The following ABCA13 variants were observed in gnomAD, a reference collection of about 807,000 sequenced individuals.
The protein encoded by ABCA13 is ATP binding cassette subfamily A member 13.
ABCA13 carries 476 observed loss-of-function variants against 478.7 expected under a neutral mutation model. The observed-to-expected ratio is 0.99, with a 90% CI of 0.92 to 1.07. ABCA13 has a LOEUF of 1.07. ABCA13 is among the 50% of genes least tolerant of loss of function. The pLI is 0.00. For synonymous variants in ABCA13, 2,252 were observed against 2,158.9 expected, an observed-to-expected ratio of 1.04 and a Z score of -1.20; for missense variants, 6,060 against 5,910.6, an observed-to-expected ratio of 1.03 and a Z score of -0.83.
At position 48,187,347 on chromosome 7, in the gene ABCA13, G is replaced by A. The variant is rs912960258; in HGVS notation, c.70-5612G>A. ...AAGTTCAGTAGCTTGAAGTTTAATG[G>A]CCGTAGTTTAACTACAGCTTATTTT... On this transcript the variant is annotated intron_variant, in intron 1 of 61. Coordinates refer to ENST00000435803, the MANE Select transcript of ABCA13 (RefSeq NM_152701.5). Among the ~76,000 whole-genome samples the A allele has an allele frequency of 4.7e-5, 7 of 150,438 alleles. No homozygotes were observed. The South Asian group carries it at 1.3e-3, about 27-fold the overall frequency.
chr7:48,253,618 T>C (rs1178848298), intron 15 of ABCA13, among the ~76,000 whole-genome samples: 1 of 152,186 alleles, frequency 6.6e-6, no homozygotes, highest in African/African-American at 2.4e-5. Context: ...CCCAAGTAGC[T>C]GGGACTACAG....
Position 48,638,735 on chromosome 7 carries a change from GAAAAAA to G in ABCA13, c.14838-4552_14838-4547del, listed in dbSNP as rs1794884746. Among the ~76,000 whole-genome samples, 3 of 152,242 alleles carry G rather than the reference GAAAAAA, an allele frequency of 2.0e-5. No individual in the cohort carries two copies. In the South Asian group the frequency reaches 6.2e-4, roughly 32 times the overall value. ...GCTAGTTAATAAGCTGAGTGACAAA[GAAAAAA>G]TCTCCTGATCTCTTTGGGCCTCAAA... On this transcript the variant is annotated intron_variant, in intron 59 of 61. Coordinates refer to ENST00000435803, the MANE Select transcript of ABCA13 (RefSeq NM_152701.5).
Position 48,239,416 on chromosome 7 carries a change from C to T in ABCA13, c.1062+11C>T. On this transcript the variant is annotated intron_variant, in intron 9 of 61. Coordinates refer to ENST00000435803, the MANE Select transcript of ABCA13 (RefSeq NM_152701.5). The stretch of plus-strand genomic sequence containing the variant: ...CGAGTCTACCAACAGGTGCTGTCCC[C>T]TCTCTCTATGTTCTGTTCAAAGGTG... 5.0e-6 allele frequency: 8 copies of T among 1,607,670 alleles called. No individual in the cohort carries two copies. The highest frequency in any genetic ancestry group is 6.8e-6 in the Non-Finnish European group (8 of 1,176,774).
At chr7:48,364,262 T>C (rs1271771668) in intron 31 of ABCA13, among the ~76,000 whole-genome samples, 1 of 152,184 alleles carries the variant, frequency 6.6e-6, no homozygotes, top group East Asian at 1.9e-4. Context: ...CTTCTCACGC[T>C]AGTCAATGTA....
At chr7:48,270,944 G>A (rs1795514994) in intron 16 of ABCA13, among the ~76,000 whole-genome samples, 1 of 152,158 alleles carries the variant, frequency 6.6e-6, no homozygotes, top group Non-Finnish European at 1.5e-5. Flanking sequence ...ATCATGAACT[G>A]ATGTGAAGCA....
chr7:48,559,206 C>T (rs533308617), intron 55 of ABCA13, among the ~76,000 whole-genome samples: 2 of 152,136 alleles, frequency 1.3e-5, no homozygotes, highest in African/African-American at 2.4e-5. Context: ...CTACCTGGTA[C>T]TCTATTTTGC....
At chr7:48,347,364 G>T (rs1182594690) in intron 29 of ABCA13, among the ~76,000 whole-genome samples, 1 of 152,102 alleles carries the variant, frequency 6.6e-6, no homozygotes, top group Non-Finnish European at 1.5e-5. Context: ...GCTCATCCAG[G>T]ATCCTGTCTT....
chr7:48,362,409 C>CTTTTTTTTTTTTTTTTTTT (rs35795708), intron 31 of ABCA13, among the ~76,000 whole-genome samples: 3 of 86,010 alleles, frequency 3.5e-5, no homozygotes, highest in Non-Finnish European at 6.7e-5. Context: ...TCCTCTTCTT[C>CTTTTTTTTTTTTTTTTTTT]TTTTTTTTTT....
intron 41 of ABCA13, among the ~76,000 whole-genome samples, chr7:48,425,177 GCATT>G (rs1340203701): frequency 6.6e-6 from 1 of 152,052 alleles, no homozygotes. Flanking sequence ...ACAAATGTGT[GCATT>G]CAAACATGTG....
chr7:48,302,943 A>C (rs1277796834), intron 23 of ABCA13, among the ~76,000 whole-genome samples: 1 of 152,174 alleles, frequency 6.6e-6, no homozygotes, highest in Non-Finnish European at 1.5e-5. Context: ...ACTAATTTAC[A>C]TTCTCACCAG....
intron 8 of ABCA13, among the ~76,000 whole-genome samples, chr7:48,237,767 G>A (rs1279444140): frequency 6.6e-6 from 1 of 152,150 alleles, no homozygotes; most frequent in African/African-American, 2.4e-5. Flanking sequence ...ATCCTCTGTG[G>A]ATCTCCTGTG....
rs531685878 is a variant in ABCA13 at position 48,645,302 on chromosome 7, T to C, written c.15082-115T>C. 7 of 693,570 alleles carry C rather than the reference T, an allele frequency of 1.0e-5. No homozygotes were observed. In the African/African-American group the frequency reaches 1.1e-4, roughly 11 times the overall value. The allele number at this position is 693,570 out of a possible 1,614,324, so 43.0% of individuals were successfully genotyped here. A position where few individuals can be genotyped will look rare whatever the true frequency, so the allele number is the denominator to read the frequency against. Reference sequence around the variant, plus strand: ...GGGAGGGAATGGTATGAATTAATGATCTGTGGTTTTTAGGGCAAGTTGGCC... The same window carrying C: ...GGGAGGGAATGGTATGAATTAATGACCTGTGGTTTTTAGGGCAAGTTGGCC... On this transcript the variant is annotated intron_variant, in intron 61 of 61. Coordinates refer to ENST00000435803, the MANE Select transcript of ABCA13 (RefSeq NM_152701.5).
chr7:48,258,491 C>G (rs1274102668), intron 15 of ABCA13, among the ~76,000 whole-genome samples: 1 of 151,990 alleles, frequency 6.6e-6, no homozygotes, highest in Non-Finnish European at 1.5e-5. Flanking sequence ...CTTTATTAGC[C>G]TAGCTAACAG....
At chr7:48,407,190 A>T (rs986698488) in intron 39 of ABCA13, among the ~76,000 whole-genome samples, 1 of 152,038 alleles carries the variant, frequency 6.6e-6, no homozygotes, top group Admixed American at 6.5e-5. Context: ...TATTCAGGGA[A>T]AGGCCTGGCA....
At chr7:48,461,746 G>T (rs1826265314) in intron 43 of ABCA13, among the ~76,000 whole-genome samples, 1 of 152,236 alleles carries the variant, frequency 6.6e-6, no homozygotes, top group Non-Finnish European at 1.5e-5. Flanking sequence ...AAAAAAGAGA[G>T]AGAATCCCTG....
intron 55 of ABCA13, among the ~76,000 whole-genome samples, chr7:48,546,838 T>A (rs1283575345): frequency 6.6e-6 from 1 of 151,786 alleles, no homozygotes; most frequent in African/African-American, 2.4e-5. Flanking sequence ...GACATGGAAC[T>A]CATTTATTGC....
At chr7:48,387,588 G>A (rs894222809) in intron 35 of ABCA13, among the ~76,000 whole-genome samples, 1 of 152,260 alleles carries the variant, frequency 6.6e-6, no homozygotes, top group Admixed American at 6.5e-5. Flanking sequence ...AGTCTTGGGG[G>A]AAGTGGCTGA....
chr7:48,371,072 G>A (rs906262352), intron 32 of ABCA13, among the ~76,000 whole-genome samples: 9 of 152,074 alleles, frequency 5.9e-5, no homozygotes, highest in Middle Eastern at 6.8e-3. Context: ...CAGGTTTGTC[G>A]AAGATCAGAT....
intron 48 of ABCA13, among the ~76,000 whole-genome samples, chr7:48,499,290 CA>C (rs1435002721): frequency 6.6e-6 from 1 of 152,158 alleles, no homozygotes; most frequent in Non-Finnish European, 1.5e-5. Flanking sequence ...TTACATATTT[CA>C]CTGATATCTC....
Sources: allele counts gnomAD v4.1 joint callset (sites outside exome capture counted in the v4.1 genomes callset), GRCh38; gene constraint gnomAD v4.1.1; transcripts MANE v1.5; gene names NCBI Gene and HGNC (gene_info 2026-07-23, HGNC 2026-07-21).